The following CSMD2 variants were observed in gnomAD, a reference collection of about 807,000 sequenced individuals.
CSMD2 encodes CUB and Sushi multiple domains 2, also known as CUB and sushi domain-containing protein 2.
In CSMD2, 130 loss-of-function variants were observed where a neutral mutation model predicts 398.5. That is an observed-to-expected ratio of 0.33 (90% CI 0.28 to 0.38). CSMD2 has a LOEUF of 0.38. Ranked by LOEUF, CSMD2 falls within the 10% of genes least tolerant of loss-of-function variation. The probability of loss-of-function intolerance (pLI) is 1.00; values close to 1 mark genes in which losing one functional copy is unlikely to be tolerated. For synonymous variants in CSMD2, 1,828 were observed against 1,908.5 expected (o/e 0.96, Z 1.10); for missense variants, 3,829 against 4,764.9 (o/e 0.80, Z 5.78).
At chr1:33,627,405 G>A (rs868508825) in intron 32 of CSMD2, among the ~76,000 whole-genome samples, 1 of 152,118 alleles carries the variant, frequency 6.6e-6, no homozygotes, top group Non-Finnish European at 1.5e-5. Context: ...GAGAACATGG[G>A]TGGAGGCAGC....
chr1:33,718,867 T>C lies in CSMD2; in HGVS notation c.3002-2366A>G, dbSNP rs11803357. ...TGATCCTGGAGGATTTGGGCTTCTA[T>C]AGATAGAGGTGGAGGAGACAGAACC... On this transcript the variant is annotated intron_variant, in intron 19 of 70. Coordinates refer to ENST00000373381, the MANE Select transcript of CSMD2 (RefSeq NM_001281956.2). Among the ~76,000 whole-genome samples the C allele has an allele frequency of 8.8e-3, 1,338 of 152,298 alleles. 25 individuals are homozygous for C. Among genetic ancestry groups the C allele is most frequent in the African/African-American group, 0.031 (1,291 of 41,558 alleles).
chr1:33,825,783 G>A lies in CSMD2; in HGVS notation c.1034-9C>T, dbSNP rs373767894. 46 of 1,611,424 alleles carry A rather than the reference G, an allele frequency of 2.9e-5. No homozygotes were observed. The highest frequency in any genetic ancestry group is 3.6e-5 in the Non-Finnish European group (43 of 1,178,122). ...CTCAATTTGCTTCTTGACTAGAGAG[G>A]AGGTAAGAGGAAAAACAATGTGAGT... On this transcript the variant is annotated splice_polypyrimidine_tract_variant and intron_variant, in intron 6 of 70. Coordinates refer to ENST00000373381, the MANE Select transcript of CSMD2 (RefSeq NM_001281956.2).
chr1:34,141,790 A>G (rs577091742), intron 1 of CSMD2, among the ~76,000 whole-genome samples: 2 of 152,334 alleles, frequency 1.3e-5, no homozygotes, highest in South Asian at 4.1e-4. Context: ...GAAAATGGAA[A>G]TAGGCGAGAA....
At chr1:33,662,715 A>G (rs1047693838) in intron 26 of CSMD2, among the ~76,000 whole-genome samples, 175 bp downstream of exon 26, 3 of 152,194 alleles carry the variant, frequency 2.0e-5, no homozygotes, top group Non-Finnish European at 2.9e-5. Context: ...CTTCCCTACC[A>G]GAGTGAGCTC....
intron 13 of CSMD2, among the ~76,000 whole-genome samples, chr1:33,759,476 C>T (rs1003046610): frequency 6.6e-6 from 1 of 151,754 alleles, no homozygotes; most frequent in African/African-American, 2.4e-5. Context: ...CAGGCGCCCG[C>T]CACCATGCCC....
intron 5 of CSMD2, among the ~76,000 whole-genome samples, chr1:33,878,832 C>T (rs1364434074): frequency 6.6e-6 from 1 of 152,214 alleles, no homozygotes; most frequent in Non-Finnish European, 1.5e-5. Context: ...TATGGGACAG[C>T]CCTGGGGAGG....
At chr1:34,102,224 G>A (rs1415980848) in intron 1 of CSMD2, among the ~76,000 whole-genome samples, 1 of 152,042 alleles carries the variant, frequency 6.6e-6, no homozygotes, top group African/African-American at 2.4e-5. Context: ...TAGAGACGGG[G>A]TTTCACTGTG....
At chr1:33,758,601 G>C (rs1042744846) in intron 13 of CSMD2, among the ~76,000 whole-genome samples, 1 of 152,232 alleles carries the variant, frequency 6.6e-6, no homozygotes. Flanking sequence ...GAGGGTGCCA[G>C]ATAATCAACA....
At chr1:33,989,030 A>C (rs1166477478) in intron 3 of CSMD2, among the ~76,000 whole-genome samples, 27 of 26,400 alleles carry the variant, frequency 1.0e-3, no homozygotes, top group African/African-American at 3.4e-3. Context: ...ATATATATAT[A>C]TATATATATA....
intron 5 of CSMD2, among the ~76,000 whole-genome samples, chr1:33,877,020 A>G (rs1640886303): frequency 1.3e-5 from 2 of 152,214 alleles, no homozygotes; most frequent in South Asian, 4.1e-4. Context: ...AGAGTCAGAG[A>G]AAACCCTGAA....
chr1:33,643,519 G>T (rs1643231812), intron 29 of CSMD2, among the ~76,000 whole-genome samples: 1 of 152,166 alleles, frequency 6.6e-6, no homozygotes, highest in South Asian at 2.1e-4. Context: ...ATTGGCACTG[G>T]GCACTCTGCT....
chr1:34,139,192 G>T (rs1202888816), intron 1 of CSMD2, among the ~76,000 whole-genome samples: 2 of 152,316 alleles, frequency 1.3e-5, no homozygotes, highest in Non-Finnish European at 2.9e-5. Context: ...TGCTCTCAGG[G>T]GTGATTAATC....
intron 5 of CSMD2, among the ~76,000 whole-genome samples, chr1:33,879,834 G>A (rs1456137880): frequency 2.0e-5 from 3 of 152,156 alleles, no homozygotes; most frequent in African/African-American, 7.2e-5. Context: ...GGTGACAGGT[G>A]TAGAGCAAAT....
chr1:34,088,178 T>C (rs553658137), intron 2 of CSMD2, among the ~76,000 whole-genome samples: 51 of 152,334 alleles, frequency 3.3e-4, no homozygotes, highest in Non-Finnish European at 6.2e-4. Flanking sequence ...ATCATGTCAT[T>C]AGAAGCAATT....
At position 33,739,122 on chromosome 1, in the gene CSMD2, CA is replaced by C; in HGVS notation, c.2368+17del. ...TCTGGCTGACAATGGCCACTGCTCCCAGCCTGCAGGCTCGTACCTTCACACC... is the reference window on the plus strand; with the variant it reads ...TCTGGCTGACAATGGCCACTGCTCCCGCCTGCAGGCTCGTACCTTCACACC... On this transcript the variant is annotated intron_variant, in intron 15 of 70. Transcript: ENST00000373381. The C allele has an allele frequency of 6.2e-7, 1 of 1,604,454 alleles. No individual in the cohort carries two copies. Among genetic ancestry groups the C allele is most frequent in the Non-Finnish European group, 8.5e-7 (1 of 1,176,066 alleles).
chr1:34,103,583 C>G (rs1206626036), intron 1 of CSMD2, among the ~76,000 whole-genome samples: 1 of 152,122 alleles, frequency 6.6e-6, no homozygotes. Context: ...GTGTGAGCCA[C>G]TGCGTCCGAC....
chr1:33,546,062 C>T lies in CSMD2; in HGVS notation c.9075G>A (p.Trp3025Ter). 1 of 1,613,822 alleles carries T rather than the reference C, an allele frequency of 6.2e-7. No individual in the cohort carries two copies. The highest frequency in any genetic ancestry group is 8.5e-7 in the Non-Finnish European group (1 of 1,179,826). Residue 3025 changes from tryptophan (W) to a stop codon, truncating the protein, a stop_gained, in exon 57 of 71, where the codon TGG (tryptophan) becomes TGA (stop). Coordinates refer to ENST00000373381, the MANE Select transcript of CSMD2 (RefSeq NM_001281956.2). LOFTEE classifies it high-confidence loss of function. ...CTCCACACTCAGGCTGCGAGCCGCT[C>T]CACGAGCCATTGGCTTGACAGGTGC... ...SERTCQANGS[W>*]SGSQPECGVI...
At chr1:33,828,267 G>A (rs1659047985) in intron 6 of CSMD2, among the ~76,000 whole-genome samples, 2 of 152,216 alleles carry the variant, frequency 1.3e-5, no homozygotes, top group South Asian at 4.1e-4. Context: ...CATTATTCAA[G>A]CCTAGCTAAT....
intron 44 of CSMD2, among the ~76,000 whole-genome samples, chr1:33,593,997 TAAGGA>T (rs1639674591): frequency 6.6e-6 from 1 of 152,202 alleles, no homozygotes; most frequent in Admixed American, 6.5e-5. Context: ...TCACAAAAGA[TAAGGA>T]CATTCTCTTA....
Sources: allele counts gnomAD v4.1 joint callset (sites outside exome capture counted in the v4.1 genomes callset), GRCh38; gene constraint gnomAD v4.1.1; transcripts MANE v1.5; gene names NCBI Gene and HGNC (gene_info 2026-07-23, HGNC 2026-07-21).